TRMT61B: variants seen among roughly 807,000 people sequenced by gnomAD.
TRMT61B encodes the protein tRNA (adenine(58)-N(1))-methyltransferase, mitochondrial.
A neutral mutation model predicts 52.0 loss-of-function variants in TRMT61B; 56 were observed. That is an observed-to-expected ratio of 1.08 (90% confidence interval 0.87 to 1.35). The LOEUF is 1.35. Ranked by LOEUF, TRMT61B falls within the 40% of genes most tolerant of loss-of-function variation. The probability of loss-of-function intolerance (pLI) is 0.00; values close to 1 mark genes in which losing one functional copy is unlikely to be tolerated. For synonymous variants in TRMT61B, 206 were observed against 220.0 expected (o/e 0.94, Z 0.56); for missense variants, 650 against 577.9 (o/e 1.12, Z -1.28).
chr2:28,869,980 G>C lies in TRMT61B; in HGVS notation c.298C>G (p.Arg100Gly), dbSNP rs550076940. Residue 100 changes from arginine to glycine, a missense_variant, in exon 1 of 7, where the codon CGA becomes GGA. Transcript: ENST00000306108. ...LPTLREESSP[R>G]ELEDSSGDQG... is the part of the protein sequence containing the mutation. ...TCTCCGCTCGAGTCCTCGAGCTCTC[G>C]AGGGGATGACTCTTCCCGCAGCGTC... The C allele has an allele frequency of 7.4e-6, 12 of 1,613,694 alleles. No individual in the cohort carries two copies. Among genetic ancestry groups the C allele is most frequent in the Non-Finnish European group, 1.0e-5 (12 of 1,179,974 alleles).
Position 28,851,291 on chromosome 2 carries a change from G to A in TRMT61B, c.1093C>T (p.Gln365Ter). The change falls in exon 5 of 7, where the codon CAG becomes TAG. Residue 365 changes from glutamine (Q) to a stop codon, truncating the protein, a stop_gained. Transcript: ENST00000306108. LOFTEE classifies it high-confidence loss of function. The part of the protein sequence containing the change: ...VCAVYVVNIT[Q>*]VIELLDGIRT... ...ATTCCATCTAAAAGTTCAATAACCT[G>A]TGTGATGCTTTCAGAAAAGTGAAAA... 6.3e-7 allele frequency: 1 copy of A among 1,590,110 alleles called. No individual in the cohort carries two copies. Among genetic ancestry groups the A allele is most frequent in the East Asian group, 2.2e-5 (1 of 44,534 alleles).
rs1374928882 is a variant in TRMT61B, at chr2:28,869,560, C to A, written c.699+19G>T. On this transcript the variant is annotated intron_variant, in intron 1 of 6. Coordinates refer to ENST00000306108, the MANE Select transcript of TRMT61B (RefSeq NM_017910.4). ...TGCCCCTCCTGAAACCAATACACAC[C>A]TTATCTCCATCGCATTACCTTTGGG... The A allele has an allele frequency of 6.4e-7, 1 of 1,572,214 alleles. No individual in the cohort carries two copies. The highest frequency in any genetic ancestry group is 2.2e-5 in the East Asian group (1 of 44,568).
At chr2:28,856,469 T>C (rs1669346030) in intron 3 of TRMT61B, among the ~76,000 whole-genome samples, 2 of 152,184 alleles carry the variant, frequency 1.3e-5, no homozygotes, top group South Asian at 4.1e-4. Context: ...CAAGATAATG[T>C]CCATACTATC....
chr2:28,864,760 T>C (rs1180877314), intron 2 of TRMT61B, among the ~76,000 whole-genome samples: 3 of 152,020 alleles, frequency 2.0e-5, no homozygotes, highest in Non-Finnish European at 4.4e-5. Context: ...ATAAAAAGTA[T>C]ACTTAAGAAA....
At chr2:28,860,141 G>A (rs572092876) in intron 3 of TRMT61B, among the ~76,000 whole-genome samples, 76 of 151,208 alleles carry the variant, frequency 5.0e-4, no homozygotes, top group African/African-American at 1.6e-3. Context: ...CCATGGTGGC[G>A]TGCACCTGTA....
intron 1 of TRMT61B, among the ~76,000 whole-genome samples, chr2:28,865,679 T>C (rs111493148): frequency 2.1e-5 from 3 of 142,276 alleles, no homozygotes; most frequent in Non-Finnish European, 1.6e-5. Flanking sequence ...TTCCTTTTTT[T>C]TTTTTTTTTT....
chr2:28,852,174 G>A (rs1014447397), intron 4 of TRMT61B, among the ~76,000 whole-genome samples: 6 of 151,424 alleles, frequency 4.0e-5, no homozygotes, highest in African/African-American at 7.3e-5. Context: ...TCAGCCGGGC[G>A]TGGTGGCGGG....
chr2:28,855,715 TCCAA>T (rs1669312618), intron 3 of TRMT61B, among the ~76,000 whole-genome samples: 1 of 152,178 alleles, frequency 6.6e-6, no homozygotes, highest in African/African-American at 2.4e-5. Flanking sequence ...ACACCTGTAA[TCCAA>T]GCAGTTTGGG....
At chr2:28,854,531 C>T (rs997423371) in intron 3 of TRMT61B, among the ~76,000 whole-genome samples, 3 of 151,800 alleles carry the variant, frequency 2.0e-5, no homozygotes, top group Admixed American at 6.6e-5. Flanking sequence ...CCTGAGGTCA[C>T]GAGTTCAAGA....
At chr2:28,858,292 G>C (rs897167252) in intron 3 of TRMT61B, among the ~76,000 whole-genome samples, 1 of 151,702 alleles carries the variant, frequency 6.6e-6, no homozygotes, top group African/African-American at 2.4e-5. Flanking sequence ...TGCCCGCCTC[G>C]GCCTCCCAAA....
intron 3 of TRMT61B, among the ~76,000 whole-genome samples, chr2:28,858,318 G>T (rs952598592): frequency 1.3e-5 from 2 of 152,158 alleles, no homozygotes; most frequent in South Asian, 4.1e-4. Flanking sequence ...GGGATTACAG[G>T]TGTGAGCCAT....
At position 28,861,189 on chromosome 2, in the gene TRMT61B, C is replaced by T. The variant is rs199699822; in HGVS notation, c.922G>A (p.Asp308Asn). 2.9e-5 allele frequency: 47 copies of T among 1,613,446 alleles called. No homozygotes were observed. Among genetic ancestry groups the T allele is most frequent in the Non-Finnish European group, 1.7e-6 (2 of 1,179,904 alleles). Residue 308 changes from aspartate to asparagine, a missense_variant, in exon 3 of 7, where the codon GAC (aspartate) becomes AAC (asparagine). Coordinates refer to ENST00000306108, the MANE Select transcript of TRMT61B (RefSeq NM_017910.4). ...WKLSHVEEWP[D>N]NVDFIHKDIS... ...TCCTTATGAATAAAATCCACATTGTCTGGCCACTCTTCTACATGACTTAAT... is the reference window on the plus strand; with the variant it reads ...TCCTTATGAATAAAATCCACATTGTTTGGCCACTCTTCTACATGACTTAAT...
chr2:28,857,237 A>G (rs1230578934), intron 3 of TRMT61B, among the ~76,000 whole-genome samples: 1 of 133,892 alleles, frequency 7.5e-6, no homozygotes, highest in Admixed American at 7.4e-5. Flanking sequence ...CCTGGCCCAC[A>G]GCTATTTTTT....
rs150316869 is a variant in TRMT61B at position 28,861,942 on chromosome 2, G to A, written c.803-634C>T. 266 of 152,216 alleles carry A rather than the reference G, an allele frequency of 1.7e-3. 3 individuals carry two copies. In the East Asian group the frequency reaches 0.037, roughly 21 times the overall value. The allele number at this position is 152,216 out of a possible 1,614,324, so 9.4% of individuals were successfully genotyped here. A position where few individuals can be genotyped will look rare whatever the true frequency, so the allele number is the denominator to read the frequency against. ...TCTCAGGCCGGTCGCAGTGGCTCCC[G>A]CCTGTAATCCCAGCACTTTGGGAGG... is the stretch of plus-strand genomic sequence containing the variant. On this transcript the variant is annotated intron_variant, in intron 2 of 6. Transcript: ENST00000306108.
intron 1 of TRMT61B, among the ~76,000 whole-genome samples, chr2:28,869,103 C>G (rs767242288): frequency 2.0e-5 from 3 of 152,150 alleles, no homozygotes; most frequent in Non-Finnish European, 4.4e-5. Flanking sequence ...ATATAAAACT[C>G]TATTTCTTCC....
intron 1 of TRMT61B, among the ~76,000 whole-genome samples, chr2:28,867,138 C>G (rs1293885661): frequency 6.6e-6 from 1 of 151,880 alleles, no homozygotes; most frequent in African/African-American, 2.4e-5. Context: ...CACTGTTGCC[C>G]AGGCTGGAGT....
In TRMT61B at chr2:28,865,095, T is replaced by A; in HGVS notation, c.724A>T (p.Met242Leu). 6.2e-7 allele frequency: 1 copy of A among 1,610,222 alleles called. No individual in the cohort carries two copies. The highest frequency in any genetic ancestry group is 8.5e-7 in the Non-Finnish European group (1 of 1,176,666). ...ACAGTATCACCTGGGTTGATATCCA[T>A]CATTGAGAGAATCATATTAATATCC... ...PKDINMILSM[M>L]DINPGDTVLE... Residue 242 changes from methionine to leucine, a missense_variant, in exon 2 of 7, where the codon ATG becomes TTG. By Grantham distance (15) the Met-to-Leu change is conservative (BLOSUM62 2). Transcript: ENST00000306108.
chr2:28,855,472 T>C (rs1376436668), intron 3 of TRMT61B, among the ~76,000 whole-genome samples: 2 of 152,124 alleles, frequency 1.3e-5, no homozygotes, highest in African/African-American at 4.8e-5. Flanking sequence ...AAGTGGTATA[T>C]ATTTTGAAGA....
Position 28,870,203 on chromosome 2 carries a change from G to A in TRMT61B, c.75C>T (p.His25=). 3 of 1,612,186 alleles carry A rather than the reference G, an allele frequency of 1.9e-6. No homozygotes were observed. Among genetic ancestry groups the A allele is most frequent in the Non-Finnish European group, 2.5e-6 (3 of 1,179,944 alleles). Reference sequence around the variant, plus strand: ...CCTCGAAGGGCTCCTGCCCCAGGCCGTGCAGGAATGAATTGGTTCCGAGCC... The same window carrying A: ...CCTCGAAGGGCTCCTGCCCCAGGCCATGCAGGAATGAATTGGTTCCGAGCC... ...RQGLGTNSFL[H]GLGQEPFEGA... is the part of the protein sequence containing the mutation. Residue 25 remains histidine (H), a synonymous_variant, in exon 1 of 7, where the codon CAC becomes CAT. Coordinates refer to ENST00000306108, the MANE Select transcript of TRMT61B (RefSeq NM_017910.4).
Sources: gnomAD v4.1 joint callset for allele counts (sites outside exome capture counted in the v4.1 genomes callset) on GRCh38, gnomAD v4.1.1 for gene constraint, MANE v1.5 for transcripts, NCBI Gene and HGNC (gene_info 2026-07-23, HGNC 2026-07-21) for gene names.